R3HCC1L: variants seen among roughly 807,000 people sequenced by gnomAD.
R3HCC1L encodes coiled-coil domain-containing protein R3HCC1L.
A neutral mutation model predicts 59.9 loss-of-function variants in R3HCC1L; 51 were observed. That is an observed-to-expected ratio of 0.85 (90% CI 0.68 to 1.07). The LOEUF (loss-of-function observed/expected upper bound fraction) is 1.07, where lower values mean the gene tolerates loss of function less well. R3HCC1L is among the 50% of genes least tolerant of loss of function. The pLI is 0.00. For missense variants in R3HCC1L, 965 were observed against 933.0 expected (o/e 1.03, Z -0.45); for synonymous variants, 322 against 315.2 (o/e 1.02, Z -0.23).
intron 4 of R3HCC1L, among the ~76,000 whole-genome samples, chr10:98,170,513 A>G (rs898928827): frequency 2.0e-5 from 3 of 152,082 alleles, no homozygotes; most frequent in African/African-American, 7.2e-5. Flanking sequence ...TTTTTTAGAG[A>G]CAGAGTCTTG....
At chr10:98,166,958 C>A (rs1013544874) in intron 4 of R3HCC1L, among the ~76,000 whole-genome samples, 6 of 152,152 alleles carry the variant, frequency 3.9e-5, no homozygotes. Flanking sequence ...AGCCACCGCG[C>A]CTGACCCCTA....
In R3HCC1L at chr10:98,208,377, C is replaced by G. The variant is rs1019720514; in HGVS notation, c.263C>G (p.Ser88Cys). The G allele has an allele frequency of 6.2e-7, 1 of 1,613,890 alleles. No individual in the cohort carries two copies. Among genetic ancestry groups the G allele is most frequent in the African/African-American group, 1.3e-5 (1 of 75,006 alleles). Residue 88 changes from serine (S) to cysteine (C), a missense_variant, in exon 5 of 10, where the codon TCT (serine) becomes TGT (cysteine). Physicochemically the swap from Ser to Cys is moderately radical, Grantham distance 112. Transcript: ENST00000298999. ...CATAATTGTAGAGAAGAAAAGAAAT[C>G]TTCAACAAAATTAAGAATGGACACA... The part of the protein sequence containing the change: ...KEHNCREEKK[S>C]STKLRMDTCL...
intron 5 of R3HCC1L, among the ~76,000 whole-genome samples, chr10:98,220,418 G>A (rs557094338): frequency 2.9e-4 from 41 of 142,420 alleles, no homozygotes; most frequent in East Asian, 4.1e-4. Flanking sequence ...AAGTTTTAGG[G>A]TACATGTGCA....
intron 5 of R3HCC1L, among the ~76,000 whole-genome samples, chr10:98,222,670 G>T (rs1168854091): frequency 2.6e-5 from 4 of 152,110 alleles, no homozygotes; most frequent in Non-Finnish European, 5.9e-5. Context: ...CTGTTTATAT[G>T]CTGGATTACA....
chr10:98,166,186 A>C (rs975389741), intron 4 of R3HCC1L, among the ~76,000 whole-genome samples: 8 of 152,032 alleles, frequency 5.3e-5, no homozygotes, highest in African/African-American at 1.4e-4. Flanking sequence ...TCAAACAAAC[A>C]AACCAAGAAG....
intron 4 of R3HCC1L, among the ~76,000 whole-genome samples, chr10:98,204,073 G>A (rs558678492): frequency 6.6e-6 from 1 of 152,272 alleles, no homozygotes; most frequent in Admixed American, 6.5e-5. Context: ...TGGATAAAAA[G>A]CACTTAGAAC....
chr10:98,225,042 A>G (rs1280523908), intron 5 of R3HCC1L, among the ~76,000 whole-genome samples: 1 of 152,210 alleles, frequency 6.6e-6, no homozygotes, highest in Non-Finnish European at 1.5e-5. Context: ...TAATCGGTAT[A>G]AAAAATTATT....
intron 2 of R3HCC1L, among the ~76,000 whole-genome samples, chr10:98,159,885 T>C (rs1847234544): frequency 6.6e-6 from 1 of 152,220 alleles, no homozygotes; most frequent in Admixed American, 6.5e-5. Context: ...GTTGCAACTG[T>C]TATTGCTTCT....
chr10:98,220,258 C>A (rs1160980791), intron 5 of R3HCC1L, among the ~76,000 whole-genome samples: 1 of 151,860 alleles, frequency 6.6e-6, no homozygotes, highest in African/African-American at 2.4e-5. Context: ...TCATTGAGGT[C>A]ATGAATTGTT....
At chr10:98,152,570 C>T (rs1489921167) in intron 1 of R3HCC1L, among the ~76,000 whole-genome samples, 6 of 129,634 alleles carry the variant, frequency 4.6e-5, no homozygotes, top group African/African-American at 1.3e-4. Flanking sequence ...GCCGCCATCC[C>T]GTCTAGGAAG....
rs529599911 is a variant in R3HCC1L, at chr10:98,147,478, T to C, written c.-267-8615T>C. On this transcript the variant is annotated intron_variant, in intron 1 of 9. Transcript: ENST00000298999. ...CTTTTGAGGTCTTACACAAAAAATC[T>C]TTGCCTAGATCAATGTCCTGGAGCA... is the stretch of plus-strand genomic sequence containing the variant. Among the ~76,000 whole-genome samples the C allele has an allele frequency of 2.6e-5, 4 of 152,284 alleles. No homozygotes were observed. In the East Asian group the frequency reaches 7.7e-4, roughly 29 times the overall value.
intron 4 of R3HCC1L, among the ~76,000 whole-genome samples, chr10:98,171,504 C>G (rs973414901): frequency 3.9e-5 from 6 of 152,120 alleles, no homozygotes; most frequent in African/African-American, 1.4e-4. Flanking sequence ...AGTTACTGCT[C>G]CACCGTGGCA....
chr10:98,183,958 G>GTTTTTTTTTTTTTTTTTTTTTTTTTTTTT (rs71007380), intron 4 of R3HCC1L, among the ~76,000 whole-genome samples: 3 of 126,562 alleles, frequency 2.4e-5, no homozygotes, highest in African/African-American at 6.0e-5. Context: ...TCCTTTTTCG[G>GTTTTTTTTTTTTTTTTTTTTTTTTTTTTT]TTTTTTTTTT....
chr10:98,210,936 G>A (rs1391126056), intron 5 of R3HCC1L, among the ~76,000 whole-genome samples: 6 of 152,226 alleles, frequency 3.9e-5, no homozygotes, highest in South Asian at 4.1e-4. Flanking sequence ...TGAAGAGGGC[G>A]GTCCATTGGA....
intron 4 of R3HCC1L, among the ~76,000 whole-genome samples, chr10:98,168,601 G>A (rs796690943): frequency 1.3e-5 from 2 of 152,312 alleles, no homozygotes; most frequent in African/African-American, 4.8e-5. Flanking sequence ...AGTTGTGCAA[G>A]CTGTATTCTT....
At chr10:98,225,468 A>G (rs1342339588) in intron 5 of R3HCC1L, among the ~76,000 whole-genome samples, 3 of 152,142 alleles carry the variant, frequency 2.0e-5, no homozygotes, top group Non-Finnish European at 2.9e-5. Flanking sequence ...ATGATATCCT[A>G]TCTCCACAAA....
chr10:98,230,564 G>T (rs1304934916), intron 5 of R3HCC1L, among the ~76,000 whole-genome samples: 1 of 151,948 alleles, frequency 6.6e-6, no homozygotes, highest in Non-Finnish European at 1.5e-5. Flanking sequence ...GGTTTTTTGT[G>T]TCTCTGTCTC....
At chr10:98,152,211 T>A (rs1846252529) in intron 1 of R3HCC1L, among the ~76,000 whole-genome samples, 1 of 152,252 alleles carries the variant, frequency 6.6e-6, no homozygotes, top group East Asian at 1.9e-4. Context: ...AGCCTCGGCC[T>A]CCCGAGGTGC....
At chr10:98,228,254 G>C (rs1322820254) in intron 5 of R3HCC1L, among the ~76,000 whole-genome samples, 2 of 152,198 alleles carry the variant, frequency 1.3e-5, no homozygotes, top group Non-Finnish European at 2.9e-5. Flanking sequence ...GCCGTTTCCT[G>C]ACTTTTTAAT....
Sources: gnomAD v4.1 joint callset for allele counts (sites outside exome capture counted in the v4.1 genomes callset) on GRCh38, gnomAD v4.1.1 for gene constraint, MANE v1.5 for transcripts, NCBI Gene and HGNC (gene_info 2026-07-23, HGNC 2026-07-21) for gene names.